SLC24A2: variants seen among roughly 807,000 people sequenced by gnomAD.
SLC24A2 encodes the protein solute carrier family 24 member 2, also known as sodium/potassium/calcium exchanger 2.
Under a neutral mutation model 62.0 loss-of-function variants are expected in SLC24A2, and 36 were observed. That is an observed-to-expected ratio of 0.58 (90% CI 0.44 to 0.77). The LOEUF (loss-of-function observed/expected upper bound fraction) is 0.77, where lower values mean the gene tolerates loss of function less well. Ranked by LOEUF, SLC24A2 falls within the 30% of genes least tolerant of loss-of-function variation. The pLI, the probability that SLC24A2 is intolerant of heterozygous loss-of-function variation, is 0.00. For synonymous variants in SLC24A2, 358 were observed against 294.0 expected, an observed-to-expected ratio of 1.22 and a Z score of -2.23; for missense variants, 846 against 817.9, an observed-to-expected ratio of 1.03 and a Z score of -0.42.
the SLC24A2 span, among the ~76,000 whole-genome samples, chr9:20,107,839 A>T: frequency 6.6e-6 from 1 of 152,174 alleles, no homozygotes; most frequent in African/African-American, 2.4e-5. Flanking sequence ...GCCAAAATTG[A>T]CAAATGGGAT....
chr9:19,571,726 C>T (rs1382727563), intron 7 of SLC24A2, among the ~76,000 whole-genome samples: 1 of 152,120 alleles, frequency 6.6e-6, no homozygotes, highest in Non-Finnish European at 1.5e-5. Flanking sequence ...TTTTAAAATG[C>T]CTAATTAACA....
chr9:19,920,113 T>C, the SLC24A2 span, among the ~76,000 whole-genome samples: 10 of 152,208 alleles, frequency 6.6e-5, no homozygotes, highest in Non-Finnish European at 1.5e-4. Flanking sequence ...GATATAGTCA[T>C]GCAACATTTG....
the SLC24A2 span, among the ~76,000 whole-genome samples, chr9:19,877,915 T>G: frequency 6.6e-6 from 1 of 152,206 alleles, no homozygotes; most frequent in Non-Finnish European, 1.5e-5. Flanking sequence ...ATTTTCTTAT[T>G]ACTTATTCTT....
intron 7 of SLC24A2, 46 bp downstream of exon 7, chr9:19,573,305 T>C: frequency 7.9e-7 from 1 of 1,267,756 alleles, no homozygotes; most frequent in Non-Finnish European, 1.2e-6. Flanking sequence ...CGCTAGGATA[T>C]CAGTTAAGAA....
At chr9:19,525,391 C>CTTTTTTTTTTTTT (rs572919824) in intron 9 of SLC24A2, among the ~76,000 whole-genome samples, 4 of 76,380 alleles carry the variant, frequency 5.2e-5, no homozygotes, top group African/African-American at 1.1e-4. Context: ...TATTTCTTTA[C>CTTTTTTTTTTTTT]TTTTTTTTTT....
chr9:19,782,329 G>A (rs966297421), intron 2 of SLC24A2, among the ~76,000 whole-genome samples: 3 of 152,152 alleles, frequency 2.0e-5, no homozygotes, highest in Non-Finnish European at 4.4e-5. Context: ...TTTAAGAAGA[G>A]AGCCCCAAAC....
chr9:19,552,782 G>T (rs553482545), intron 7 of SLC24A2, among the ~76,000 whole-genome samples: 1 of 152,138 alleles, frequency 6.6e-6, no homozygotes, highest in African/African-American at 2.4e-5. Flanking sequence ...TATAACCTAC[G>T]GATTAGCTCC....
chr9:19,947,318 T>C, the SLC24A2 span, among the ~76,000 whole-genome samples: 1 of 151,296 alleles, frequency 6.6e-6, no homozygotes, highest in African/African-American at 2.4e-5. Context: ...CTCTCAGGTT[T>C]ATCCAAAAGT....
the SLC24A2 span, among the ~76,000 whole-genome samples, chr9:19,858,484 A>G: frequency 6.6e-6 from 1 of 152,266 alleles, no homozygotes; most frequent in Non-Finnish European, 1.5e-5. Context: ...AATTGCAACA[A>G]AAACAAAATT....
Position 19,508,259 on chromosome 9 carries a change from C to G in SLC24A2, c.*7894G>C, listed in dbSNP as rs1256548976. 2.0e-5 allele frequency: 3 copies of G among 152,186 alleles called. No homozygotes were observed. Among genetic ancestry groups the G allele is most frequent in the Admixed American group, 2.0e-4 (3 of 15,278 alleles). The allele number at this position is 152,186 out of a possible 1,614,324, so 9.4% of individuals were successfully genotyped here. On this transcript the variant is annotated 3_prime_UTR_variant, in exon 11 of 11. Transcript: ENST00000341998. ...AATTCAGTAACTGAGGCTCCCTCTT[C>G]CGAATAGAGTCTCAGCCCTTTAGAG...
chr9:19,987,838 A>G, the SLC24A2 span, among the ~76,000 whole-genome samples: 1 of 152,168 alleles, frequency 6.6e-6, no homozygotes, highest in African/African-American at 2.4e-5. Context: ...ATCCTTACAT[A>G]GAGGAAACAT....
chr9:19,687,806 T>G (rs1475319590), intron 2 of SLC24A2, among the ~76,000 whole-genome samples: 1 of 152,084 alleles, frequency 6.6e-6, no homozygotes. Flanking sequence ...CCCTATAATT[T>G]GGGTGACAAA....
At chr9:19,818,221 T>C in the SLC24A2 span, among the ~76,000 whole-genome samples, 1 of 152,114 alleles carries the variant, frequency 6.6e-6, no homozygotes, top group South Asian at 2.1e-4. Context: ...GCTCTGTTTT[T>C]CACAAAGTCT....
At chr9:20,275,571 C>T in the SLC24A2 span, among the ~76,000 whole-genome samples, 3 of 152,144 alleles carry the variant, frequency 2.0e-5, no homozygotes, top group Non-Finnish European at 4.4e-5. Context: ...TCTGATGAGG[C>T]CTTTTTCCTC....
At chr9:19,895,791 T>G in the SLC24A2 span, 1 of 1,586,774 alleles carries the variant, frequency 6.3e-7, no homozygotes, top group African/African-American at 1.3e-5. Context: ...CGGTGGCCTG[T>G]GCCTGTCATC....
chr9:20,034,738 G>A, the SLC24A2 span, among the ~76,000 whole-genome samples: 1 of 152,134 alleles, frequency 6.6e-6, no homozygotes, highest in Non-Finnish European at 1.5e-5. Flanking sequence ...AAAGTGCTGG[G>A]ATTACAGGCG....
chr9:19,974,491 A>G, the SLC24A2 span, among the ~76,000 whole-genome samples: 1 of 152,192 alleles, frequency 6.6e-6, no homozygotes, highest in African/African-American at 2.4e-5. Context: ...TTTTGCCTTT[A>G]ACCATTTCAA....
chr9:19,596,220 G>A (rs1161366062), intron 5 of SLC24A2, among the ~76,000 whole-genome samples: 1 of 152,128 alleles, frequency 6.6e-6, no homozygotes. Context: ...GCAAGCTAAG[G>A]CAGCTTAGAA....
At chr9:19,728,825 C>A (rs1013977443) in intron 2 of SLC24A2, among the ~76,000 whole-genome samples, 70 of 152,190 alleles carry the variant, frequency 4.6e-4, no homozygotes, top group Admixed American at 1.3e-3. Flanking sequence ...TATTCAATAT[C>A]AAAAAATTGT....
Sources: gnomAD v4.1 joint callset for allele counts (sites outside exome capture counted in the v4.1 genomes callset) on GRCh38, gnomAD v4.1.1 for gene constraint, MANE v1.5 for transcripts, NCBI Gene and HGNC (gene_info 2026-07-23, HGNC 2026-07-21) for gene names.